SLC25A26: variants seen among roughly 807,000 people sequenced by gnomAD.
The protein encoded by SLC25A26 is mitochondrial S-adenosylmethionine carrier protein.
A neutral mutation model predicts 37.8 loss-of-function variants in SLC25A26; 36 were observed. The observed-to-expected ratio is 0.95, with a 90% CI of 0.73 to 1.26. The LOEUF (loss-of-function observed/expected upper bound fraction) is 1.26. Ranked by LOEUF, SLC25A26 falls within the 50% of genes most tolerant of loss-of-function variation. The pLI, the probability that SLC25A26 is intolerant of heterozygous loss-of-function variation, is 0.00. For missense variants in SLC25A26, 390 were observed against 331.1 expected, an observed-to-expected ratio of 1.18 and a Z score of -1.38; for synonymous variants, 129 against 122.5, an observed-to-expected ratio of 1.05 and a Z score of -0.35.
intron 1 of SLC25A26, among the ~76,000 whole-genome samples, chr3:66,227,711 T>C (rs1163855467): frequency 6.6e-6 from 1 of 152,162 alleles, no homozygotes; most frequent in African/African-American, 2.4e-5. Flanking sequence ...TGGCTGGTGC[T>C]GTCATCTGGG....
At chr3:66,177,660 T>C (rs1231205989) in intron 1 of SLC25A26, among the ~76,000 whole-genome samples, 1 of 152,234 alleles carries the variant, frequency 6.6e-6, no homozygotes, top group African/African-American at 2.4e-5. Flanking sequence ...AGGAGTGAGA[T>C]AAATAAGGGA....
intron 5 of SLC25A26, among the ~76,000 whole-genome samples, chr3:66,278,162 G>A (rs1331806614): frequency 1.3e-5 from 2 of 152,044 alleles, no homozygotes; most frequent in African/African-American, 4.8e-5. Context: ...GCATATATGT[G>A]AACTCTGCTA....
chr3:66,137,491 G>A (rs1040316836), intron 1 of SLC25A26, among the ~76,000 whole-genome samples: 5 of 152,110 alleles, frequency 3.3e-5, no homozygotes, highest in African/African-American at 1.2e-4. Flanking sequence ...GCCTCCCAAA[G>A]TGCTGGGATT....
chr3:66,305,615 C>G (rs1471035828), intron 5 of SLC25A26, among the ~76,000 whole-genome samples: 1 of 152,104 alleles, frequency 6.6e-6, no homozygotes, highest in African/African-American at 2.4e-5. Context: ...CCCTTCCCCC[C>G]ACCCCACCCT....
At position 66,221,052 on chromosome 3, in the gene SLC25A26, C is replaced by G. The variant is rs1416740417; in HGVS notation, c.-43C>G. 1 of 1,535,348 alleles carries G rather than the reference C, an allele frequency of 6.5e-7. No homozygotes were observed. The highest frequency in any genetic ancestry group is 8.7e-7 in the Non-Finnish European group (1 of 1,145,642). ...CAGCGCGCGAGGACGTGATCCGCTTCTGCTCCGGCTTGGATTGTAGCCTTG... is the reference window on the plus strand; with the variant it reads ...CAGCGCGCGAGGACGTGATCCGCTTGTGCTCCGGCTTGGATTGTAGCCTTG... On this transcript the variant is annotated 5_prime_UTR_variant, in exon 1 of 10. Transcript: ENST00000354883.
chr3:66,311,005 C>T (rs1559685331), intron 5 of SLC25A26, among the ~76,000 whole-genome samples: 3 of 151,984 alleles, frequency 2.0e-5, no homozygotes, highest in Admixed American at 6.6e-5. Context: ...CTTAGTGGTG[C>T]TCTCTGTATT....
At chr3:66,311,672 T>C (rs1053516081) in intron 5 of SLC25A26, among the ~76,000 whole-genome samples, 3 of 152,120 alleles carry the variant, frequency 2.0e-5, no homozygotes, top group African/African-American at 7.2e-5. Flanking sequence ...GATAGGGTTT[T>C]TGCGTGGGTG....
intron 1 of SLC25A26, among the ~76,000 whole-genome samples, chr3:66,191,527 T>G (rs2070941836): frequency 6.6e-6 from 1 of 152,298 alleles, no homozygotes; most frequent in African/African-American, 2.4e-5. Context: ...CACATATCCA[T>G]CTAAAAGGTG....
upstream of SLC25A26, chr3:66,220,923 C>T (rs1553657968): frequency 1.4e-6 from 1 of 717,208 alleles, no homozygotes; most frequent in Non-Finnish European, 2.4e-6. Flanking sequence ...CTCTCTGGCC[C>T]TCCCCTAGGC....
At chr3:66,243,181 A>G (rs782297919) in intron 2 of SLC25A26, 22 bp from the exon 3 acceptor site, 8 of 1,253,238 alleles carry the variant, frequency 6.4e-6, no homozygotes, top group African/African-American at 2.9e-5. Flanking sequence ...TTTGTGAAAG[A>G]CTGGCTTGTT....
At chr3:66,323,586 G>A (rs1028130561) in intron 5 of SLC25A26, among the ~76,000 whole-genome samples, 4 of 152,162 alleles carry the variant, frequency 2.6e-5, no homozygotes, top group Non-Finnish European at 5.9e-5. Flanking sequence ...CAGGCGGATT[G>A]GTTGAGCCTT....
At chr3:66,236,767 C>G (rs2072311707) in intron 2 of SLC25A26, 67 bp downstream of exon 2, 1 of 1,227,092 alleles carries the variant, frequency 8.1e-7, no homozygotes, top group Non-Finnish European at 1.1e-6. Flanking sequence ...GGTGTGTGGT[C>G]TTACCCCCAT....
intron 2 of SLC25A26, among the ~76,000 whole-genome samples, chr3:66,239,065 A>G (rs1359171830): frequency 6.6e-6 from 1 of 152,212 alleles, no homozygotes; most frequent in African/African-American, 2.4e-5. Context: ...AGCAGTCTTT[A>G]ATAATCAGAA....
At chr3:66,327,119 T>A (rs2075858075) in intron 5 of SLC25A26, among the ~76,000 whole-genome samples, 1 of 152,226 alleles carries the variant, frequency 6.6e-6, no homozygotes, top group African/African-American at 2.4e-5. Context: ...CAGCTGAGCA[T>A]TGGCAACAGG....
intron 5 of SLC25A26, among the ~76,000 whole-genome samples, chr3:66,302,761 G>A (rs746888863): frequency 3.9e-5 from 6 of 152,348 alleles, no homozygotes; most frequent in Middle Eastern, 6.8e-3. Context: ...TGGTGAAAAG[G>A]TTAGCCCATA....
intron 6 of SLC25A26, among the ~76,000 whole-genome samples, chr3:66,347,771 AC>A (rs1344270279): frequency 1.3e-5 from 2 of 152,236 alleles, no homozygotes; most frequent in South Asian, 2.1e-4. Flanking sequence ...TGGTACATAC[AC>A]ACCACGGAAT....
chr3:66,287,180 C>G (rs1163828380), intron 5 of SLC25A26, among the ~76,000 whole-genome samples: 1 of 151,882 alleles, frequency 6.6e-6, no homozygotes, highest in Non-Finnish European at 1.5e-5. Context: ...CCTGTAGTCC[C>G]AGCTACTCAG....
At chr3:66,360,939 T>G (rs564869451) in intron 6 of SLC25A26, among the ~76,000 whole-genome samples, 1 of 152,226 alleles carries the variant, frequency 6.6e-6, no homozygotes, top group Non-Finnish European at 1.5e-5. Context: ...ATATTTAGAA[T>G]AGGTAGAAGG....
At chr3:66,299,978 A>G (rs2075024410) in intron 5 of SLC25A26, among the ~76,000 whole-genome samples, 2 of 152,190 alleles carry the variant, frequency 1.3e-5, no homozygotes, top group Admixed American at 6.5e-5. Context: ...CTTTTGAGCC[A>G]TCTGGAACTT....
Sources: allele counts gnomAD v4.1 joint callset (sites outside exome capture counted in the v4.1 genomes callset), GRCh38; gene constraint gnomAD v4.1.1; transcripts MANE v1.5; gene names NCBI Gene and HGNC (gene_info 2026-07-23, HGNC 2026-07-21).